The following DHRS2 variants were observed in gnomAD, a reference collection of about 807,000 sequenced individuals.
DHRS2 encodes the protein dehydrogenase/reductase SDR family member 2, mitochondrial.
Under a neutral mutation model 26.3 loss-of-function variants are expected in DHRS2, and 29 were observed. The ratio of observed to expected loss-of-function variants is 1.10; its 90% confidence interval spans 0.82 to 1.50. The LOEUF is 1.50. DHRS2 is among the 40% of genes most tolerant of loss of function. The probability of loss-of-function intolerance (pLI) is 0.00; values close to 1 mark genes in which losing one functional copy is unlikely to be tolerated. For missense variants in DHRS2, 439 were observed against 367.1 expected (o/e 1.20, Z -1.60); for synonymous variants, 164 against 151.3 (o/e 1.08, Z -0.62).
chr14:23,641,730 C>T (rs1345370562), intron 4 of DHRS2: 5 of 1,289,812 alleles, frequency 3.9e-6, no homozygotes, highest in South Asian at 3.7e-5. Flanking sequence ...GGGGTCATCC[C>T]CCACACTGGT....
intron 4 of DHRS2, chr14:23,642,297 G>T: frequency 2.9e-6 from 1 of 348,330 alleles, no homozygotes; most frequent in Non-Finnish European, 4.0e-6. Context: ...GTGAACTGTA[G>T]GCACCAACCT....
At chr14:23,641,651 A>G (rs1890675160) in intron 4 of DHRS2, 2 of 1,289,692 alleles carry the variant, frequency 1.6e-6, no homozygotes, top group Non-Finnish European at 2.0e-6. Context: ...CTAATCCTCA[A>G]TTCCTTCTTA....
At position 23,639,214 on chromosome 14, in the gene DHRS2, A is replaced by G; in HGVS notation, c.176A>G (p.Asp59Gly). Reference protein sequence around the residue: ...GFAIARRLARDGAHVVISSRK... With the variant: ...GFAIARRLARGGAHVVISSRK... ...GCCATCGCCCGACGTCTGGCCCGGG[A>G]CGGGGCCCACGTGGTCATCAGCAGC... is the stretch of plus-strand genomic sequence containing the variant. The change falls in exon 3 of 9, where the codon GAC becomes GGC. Residue 59 changes from aspartate (D) to glycine (G), a missense_variant. Coordinates refer to ENST00000250383, the MANE Select transcript of DHRS2 (RefSeq NM_005794.4). 1 of 1,613,760 alleles carries G rather than the reference A, an allele frequency of 6.2e-7. No individual in the cohort carries two copies. The highest frequency in any genetic ancestry group is 8.5e-7 in the Non-Finnish European group (1 of 1,179,910).
chr14:23,639,973 C>T, intron 4 of DHRS2, 78 bp downstream of exon 4: 1 of 1,244,996 alleles, frequency 8.0e-7, no homozygotes, highest in African/African-American at 1.6e-5. Context: ...CTGTGCCCAC[C>T]AAGACTCTGT....
Position 23,643,977 on chromosome 14 carries a change from G to T in DHRS2, c.489-134G>T. 8 of 899,554 alleles carry T rather than the reference G, an allele frequency of 8.9e-6. No individual in the cohort carries two copies. In the South Asian group the frequency reaches 1.1e-4, roughly 13 times the overall value. The allele number at this position is 899,554 out of a possible 1,614,324, so 55.7% of individuals were successfully genotyped here. A position where few individuals can be genotyped will look rare whatever the true frequency, so the allele number is the denominator to read the frequency against. On this transcript the variant is annotated intron_variant, in intron 5 of 8. Coordinates refer to ENST00000250383, the MANE Select transcript of DHRS2 (RefSeq NM_005794.4). ...AAACCTTTCTGAGCCTCAGTTTTCT[G>T]AACTCTGAGATGGGGACAGTAATAG...
rs753209544 is a variant in DHRS2 at position 23,645,323 on chromosome 14, T to C, written c.*70T>C. The C allele has an allele frequency of 7.5e-6, 12 of 1,608,898 alleles. No individual in the cohort carries two copies. The highest frequency in any genetic ancestry group is 1.7e-4 in the Middle Eastern group (1 of 5,838). On this transcript the variant is annotated 3_prime_UTR_variant, in exon 9 of 9. Coordinates refer to ENST00000250383, the MANE Select transcript of DHRS2 (RefSeq NM_005794.4). Reference sequence around the variant, plus strand: ...CCTGAGGGGGTGTCTAGGTGATCATTTGGATCTGGAGGCAGAGTCTGCCAT... The same window carrying C: ...CCTGAGGGGGTGTCTAGGTGATCATCTGGATCTGGAGGCAGAGTCTGCCAT...
At chr14:23,630,470 CCAAGT>C (rs1486757435) in intron 1 of DHRS2, among the ~76,000 whole-genome samples, 6 of 152,304 alleles carry the variant, frequency 3.9e-5, no homozygotes, top group African/African-American at 1.2e-4. Flanking sequence ...TTTGGACCAC[CCAAGT>C]CAACCCCTTA....
chr14:23,636,083 A>G (rs1890267473), upstream of DHRS2, among the ~76,000 whole-genome samples: 1 of 152,310 alleles, frequency 6.6e-6, no homozygotes, highest in East Asian at 1.9e-4. Flanking sequence ...TTGTAAATGC[A>G]CCAATCAGCA....
chr14:23,635,288 A>G (rs1416322121), upstream of DHRS2, among the ~76,000 whole-genome samples: 1 of 152,190 alleles, frequency 6.6e-6, no homozygotes. Context: ...TCCTGAGCTC[A>G]AGGGATCTGC....
chr14:23,641,921 C>A (rs547247906), intron 4 of DHRS2: 2 of 1,192,676 alleles, frequency 1.7e-6, no homozygotes, highest in Admixed American at 7.0e-5. Flanking sequence ...CAGGACAGAT[C>A]CCTGCAGGAG....
chr14:23,639,387 G>C (rs772572636), intron 3 of DHRS2, 31 bp downstream of exon 3: 11 of 1,544,926 alleles, frequency 7.1e-6, no homozygotes, highest in South Asian at 1.3e-5. Flanking sequence ...AGGACACAGA[G>C]AGGGGAACAT....
At chr14:23,639,085 G>A (rs779919015) in intron 2 of DHRS2, 81 bp downstream of exon 2, 3 of 1,593,454 alleles carry the variant, frequency 1.9e-6, no homozygotes, top group Non-Finnish European at 2.6e-6. Flanking sequence ...TTTAAAGCAA[G>A]ACCCAGCCTT....
chr14:23,640,121 C>G, intron 4 of DHRS2: 3 of 719,208 alleles, frequency 4.2e-6, no homozygotes, highest in Non-Finnish European at 5.7e-6. Context: ...GCTTTGTTTT[C>G]TCTTCTCATC....
chr14:23,635,765 G>A (rs887410085), upstream of DHRS2, among the ~76,000 whole-genome samples: 8 of 152,370 alleles, frequency 5.3e-5, no homozygotes, highest in South Asian at 2.1e-4. Flanking sequence ...GGCCAAGGCC[G>A]AAGCCAGCTC....
Position 23,644,561 on chromosome 14 carries a change from C to T in DHRS2, c.675+18C>T. ...GCAAAGTGGTGAGGATTGGGTGTGT[C>T]TTCCATCTCCCAGTCTGGCTCAGTG... is the stretch of plus-strand genomic sequence containing the variant. On this transcript the variant is annotated intron_variant, in intron 7 of 8. Coordinates refer to ENST00000250383, the MANE Select transcript of DHRS2 (RefSeq NM_005794.4). 1 of 1,614,172 alleles carries T rather than the reference C, an allele frequency of 6.2e-7. No homozygotes were observed. The highest frequency in any genetic ancestry group is 1.1e-5 in the South Asian group (1 of 91,068).
chr14:23,644,456 T>C lies in DHRS2; in HGVS notation c.588T>C (p.Thr196=). 1 of 1,614,188 alleles carries C rather than the reference T, an allele frequency of 6.2e-7. No homozygotes were observed. The highest frequency in any genetic ancestry group is 8.5e-7 in the Non-Finnish European group (1 of 1,180,036). Residue 196 remains threonine, a synonymous_variant, in exon 7 of 9, where the codon ACT becomes ACC. Coordinates refer to ENST00000250383, the MANE Select transcript of DHRS2 (RefSeq NM_005794.4). ...GCAAGACAGCGCTGCTGGGTCTCAC[T>C]AGAACACTGGCATTGGAGCTGGCCC... The part of the protein sequence containing the change: ...NVSKTALLGL[T]RTLALELAPK...
chr14:23,633,127 T>C (rs1467788831), upstream of DHRS2, among the ~76,000 whole-genome samples: 1 of 152,174 alleles, frequency 6.6e-6, no homozygotes, highest in African/African-American at 2.4e-5. Flanking sequence ...TCCCTGGCAT[T>C]TTCCAGTTCA....
At position 23,645,259 on chromosome 14, in the gene DHRS2, G is replaced by C; in HGVS notation, c.*6G>C. The C allele has an allele frequency of 6.2e-7, 1 of 1,614,100 alleles. No individual in the cohort carries two copies. Among genetic ancestry groups the C allele is most frequent in the Non-Finnish European group, 8.5e-7 (1 of 1,180,052 alleles). ...GCTACTCCACTCGGCTCTGAGAGGA[G>C]TGGGGGCGGCTGCGTAGCTGTGGTC... On this transcript the variant is annotated 3_prime_UTR_variant, in exon 9 of 9. Transcript: ENST00000250383.
At chr14:23,645,057 GCCCACT>G in intron 8 of DHRS2, 79 bp from the exon 9 acceptor site, 2 of 1,598,172 alleles carry the variant, frequency 1.3e-6, no homozygotes, top group South Asian at 2.2e-5. Context: ...TCCCCATGGA[GCCCACT>G]CCCACCTGTC....
Sources: gnomAD v4.1 joint callset for allele counts (sites outside exome capture counted in the v4.1 genomes callset) on GRCh38, gnomAD v4.1.1 for gene constraint, MANE v1.5 for transcripts, NCBI Gene and HGNC (gene_info 2026-07-23, HGNC 2026-07-21) for gene names.